The following L3MBTL4 variants were observed in gnomAD, a reference collection of about 807,000 sequenced individuals.
The protein encoded by L3MBTL4 is lethal(3)malignant brain tumor-like protein 4.
A neutral mutation model predicts 84.5 loss-of-function variants in L3MBTL4; 70 were observed. That is an observed-to-expected ratio of 0.83 (90% CI 0.68 to 1.01). The LOEUF (loss-of-function observed/expected upper bound fraction) is 1.01, where lower values mean the gene tolerates loss of function less well. L3MBTL4 is among the 50% of genes least tolerant of loss of function. The pLI is 0.00. For missense variants in L3MBTL4, 715 were observed against 754.8 expected (o/e 0.95, Z 0.62); for synonymous variants, 274 against 259.8 (o/e 1.05, Z -0.52).
At chr18:5,982,369 C>T (rs1243136699) in intron 16 of L3MBTL4, among the ~76,000 whole-genome samples, 2 of 152,206 alleles carry the variant, frequency 1.3e-5, no homozygotes, top group East Asian at 1.9e-4. Flanking sequence ...CTTCCCAGGT[C>T]TACCCAGCTG....
chr18:6,365,641 A>G (rs1314136125), intron 1 of L3MBTL4, among the ~76,000 whole-genome samples: 1 of 152,222 alleles, frequency 6.6e-6, no homozygotes, highest in East Asian at 1.9e-4. Context: ...GAGCAAGAAG[A>G]GCTTGTAAAG....
At chr18:6,323,015 A>AGT (rs892505178) in intron 1 of L3MBTL4, among the ~76,000 whole-genome samples, 2 of 152,120 alleles carry the variant, frequency 1.3e-5, no homozygotes, top group Admixed American at 1.3e-4. Context: ...ATTGTTTAAA[A>AGT]GTGTGTAGCA....
At chr18:6,027,696 CTGT>C (rs375354407) in intron 16 of L3MBTL4, among the ~76,000 whole-genome samples, 8 of 152,306 alleles carry the variant, frequency 5.3e-5, no homozygotes, top group African/African-American at 1.9e-4. Flanking sequence ...TCTTCAGCAT[CTGT>C]TGTTTCCTGA....
chr18:6,067,961 T>C (rs1425389335), intron 16 of L3MBTL4, among the ~76,000 whole-genome samples: 1 of 152,194 alleles, frequency 6.6e-6, no homozygotes, highest in African/African-American at 2.4e-5. Context: ...TTGACTGTGT[T>C]TTTTTCTTTA....
chr18:6,410,036 C>G (rs765164130), intron 1 of L3MBTL4, among the ~76,000 whole-genome samples: 1 of 151,572 alleles, frequency 6.6e-6, no homozygotes, highest in Non-Finnish European at 1.5e-5. Flanking sequence ...CCCAAGGTCA[C>G]CTCCCTGACT....
At chr18:6,218,364 A>G (rs541089994) in intron 10 of L3MBTL4, among the ~76,000 whole-genome samples, 1 of 152,302 alleles carries the variant, frequency 6.6e-6, no homozygotes, top group South Asian at 2.1e-4. Context: ...TTCTGTGTAG[A>G]TTTTGAACCA....
chr18:6,025,423 A>T (rs948866486), intron 16 of L3MBTL4, among the ~76,000 whole-genome samples: 1 of 152,078 alleles, frequency 6.6e-6, no homozygotes, highest in Non-Finnish European at 1.5e-5. Context: ...CAAATCATAA[A>T]CTTCAGACAT....
rs953793569 is a variant in L3MBTL4, at chr18:6,243,388, T to C, written c.366A>G (p.Leu122=). The change falls in exon 7 of 19, where the codon TTA becomes TTG. Residue 122 remains leucine, a synonymous_variant. Coordinates refer to ENST00000317931, the MANE Select transcript of L3MBTL4 (RefSeq NM_001330559.2). ...YRLRLHFDGY[L]SCYDFWTNAG... is the part of the protein sequence containing the mutation. Reference sequence around the variant, plus strand: ...CATTGGTCCAAAAATCATAGCAACTTAAATAACCATCAAAATGAAGTCTTA... The same window carrying C: ...CATTGGTCCAAAAATCATAGCAACTCAAATAACCATCAAAATGAAGTCTTA... 1.2e-6 allele frequency: 2 copies of C among 1,607,514 alleles called. No individual in the cohort carries two copies. The highest frequency in any genetic ancestry group is 2.7e-5 in the African/African-American group (2 of 74,836).
intron 16 of L3MBTL4, among the ~76,000 whole-genome samples, chr18:5,996,859 C>T (rs935677281): frequency 1.3e-5 from 2 of 152,014 alleles, no homozygotes; most frequent in Non-Finnish European, 2.9e-5. Flanking sequence ...TTACATGGAT[C>T]AAAGGAAATG....
At chr18:6,247,992 C>T (rs79337756) in intron 5 of L3MBTL4, among the ~76,000 whole-genome samples, 3,860 of 152,242 alleles carry the variant, frequency 0.025, 79 homozygotes, top group Non-Finnish European at 0.042. Context: ...AATTTCTTCA[C>T]TAGTTACATA....
At chr18:6,105,357 T>A (rs955830402) in intron 14 of L3MBTL4, among the ~76,000 whole-genome samples, 3 of 151,270 alleles carry the variant, frequency 2.0e-5, no homozygotes, top group African/African-American at 7.3e-5. Context: ...GCCTGGCTAA[T>A]TTTTGAATTT....
At chr18:6,084,294 G>T (rs2058183092) in intron 15 of L3MBTL4, among the ~76,000 whole-genome samples, 1 of 152,112 alleles carries the variant, frequency 6.6e-6, no homozygotes, top group Non-Finnish European at 1.5e-5. Flanking sequence ...ACTGTCTAGG[G>T]CTGCTTTCAC....
chr18:6,164,688 A>G (rs550896907), intron 13 of L3MBTL4, among the ~76,000 whole-genome samples: 1 of 152,340 alleles, frequency 6.6e-6, no homozygotes, highest in African/African-American at 2.4e-5. Context: ...GTACGTCACC[A>G]TCATCAAAGA....
chr18:6,058,285 G>A (rs1007578885), intron 16 of L3MBTL4, among the ~76,000 whole-genome samples: 6 of 152,132 alleles, frequency 3.9e-5, no homozygotes, highest in African/African-American at 1.4e-4. Context: ...GGAATTCCAC[G>A]GCCTCATTCT....
chr18:6,060,954 G>A (rs779192405), intron 16 of L3MBTL4, among the ~76,000 whole-genome samples: 2 of 152,070 alleles, frequency 1.3e-5, no homozygotes, highest in African/African-American at 4.8e-5. Context: ...TATAAATAAA[G>A]CTGCTGTAAA....
At chr18:6,345,215 C>CA (rs35502624) in intron 1 of L3MBTL4, among the ~76,000 whole-genome samples, 738 of 38,426 alleles carry the variant, frequency 0.019, 6 homozygotes, top group East Asian at 0.038. Flanking sequence ...TACTAAAATA[C>CA]AAAAAAAAAA....
chr18:6,206,720 G>A (rs1164630216), intron 12 of L3MBTL4, among the ~76,000 whole-genome samples: 1 of 152,118 alleles, frequency 6.6e-6, no homozygotes, highest in East Asian at 1.9e-4. Flanking sequence ...CAAATAAAAA[G>A]AGGGTTATCA....
At chr18:6,009,915 C>A (rs16949230) in intron 16 of L3MBTL4, among the ~76,000 whole-genome samples, 1 of 152,050 alleles carries the variant, frequency 6.6e-6, no homozygotes, top group Non-Finnish European at 1.5e-5. Flanking sequence ...ACAAACAAAG[C>A]TGCCCATTAT....
chr18:6,124,401 G>A (rs144285348), intron 14 of L3MBTL4, among the ~76,000 whole-genome samples: 1 of 148,936 alleles, frequency 6.7e-6, no homozygotes, highest in Non-Finnish European at 1.5e-5. Flanking sequence ...GACATATATA[G>A]GGGGATTTTA....
Sources: gnomAD v4.1 joint callset for allele counts (sites outside exome capture counted in the v4.1 genomes callset) on GRCh38, gnomAD v4.1.1 for gene constraint, MANE v1.5 for transcripts, NCBI Gene and HGNC (gene_info 2026-07-23, HGNC 2026-07-21) for gene names.